Variants in RTN3 observed in about 807,000 individuals in gnomAD.
RTN3 encodes the protein reticulon 3.
RTN3 carries 49 observed loss-of-function variants against 77.8 expected under a neutral mutation model. That is an observed-to-expected ratio of 0.63 (90% CI 0.50 to 0.80). The LOEUF is 0.80. Ranked by LOEUF, RTN3 falls within the 30% of genes least tolerant of loss-of-function variation. The pLI, the probability that RTN3 is intolerant of heterozygous loss-of-function variation, is 0.00. For synonymous variants in RTN3, 464 were observed against 446.9 expected, an observed-to-expected ratio of 1.04 and a Z score of -0.48; for missense variants, 1,236 against 1,211.9, an observed-to-expected ratio of 1.02 and a Z score of -0.29.
intron 1 of RTN3, among the ~76,000 whole-genome samples, chr11:63,685,338 A>G (rs770480092): frequency 6.6e-6 from 1 of 151,510 alleles, no homozygotes; most frequent in East Asian, 2.0e-4. Flanking sequence ...CTACTAAAAA[A>G]TACAAAAATT....
Position 63,720,553 on chromosome 11 carries a change from T to G in RTN3, c.2051T>G (p.Phe684Cys). ...FKAISEKMTD[F>C]KTTPPVEVLH... is the part of the protein sequence containing the mutation. ...GCAATATCAGAGAAGATGACAGACT[T>G]TAAAACAACTCCTCCTGTAGAAGTC... Residue 684 changes from phenylalanine (F) to cysteine (C), a missense_variant, in exon 3 of 9, where the codon TTT (phenylalanine) becomes TGT (cysteine). Phe to Cys is a radical substitution (Grantham distance 205). Coordinates refer to ENST00000377819, the MANE Select transcript of RTN3 (RefSeq NM_001265589.2). 6.2e-7 allele frequency: 1 copy of G among 1,614,086 alleles called. No homozygotes were observed. Among genetic ancestry groups the G allele is most frequent in the East Asian group, 2.2e-5 (1 of 44,882 alleles).
intron 3 of RTN3, among the ~76,000 whole-genome samples, chr11:63,725,996 A>G (rs1279389774): frequency 1.3e-5 from 2 of 152,220 alleles, no homozygotes; most frequent in African/African-American, 4.8e-5. Context: ...AAGGAATACA[A>G]AATAATTCCT....
chr11:63,725,593 C>T (rs1413824591), intron 3 of RTN3, among the ~76,000 whole-genome samples: 2 of 152,176 alleles, frequency 1.3e-5, no homozygotes, highest in South Asian at 2.1e-4. Flanking sequence ...GGACTACAGG[C>T]GCCTGCTACC....
At chr11:63,689,895 T>C (rs1941565636) in intron 1 of RTN3, among the ~76,000 whole-genome samples, 1 of 152,022 alleles carries the variant, frequency 6.6e-6, no homozygotes, top group South Asian at 2.1e-4. Context: ...GTAGGTGGGA[T>C]TGCAGGCTTG....
chr11:63,757,501 C>T (rs574321937), intron 8 of RTN3, among the ~76,000 whole-genome samples: 59 of 152,170 alleles, frequency 3.9e-4, no homozygotes, highest in Non-Finnish European at 7.4e-4. Context: ...GCTGACACTA[C>T]AGGCATGTGC....
At chr11:63,721,109 C>T (rs1373926102) in intron 3 of RTN3, 77 bp downstream of exon 3, 6 of 1,273,950 alleles carry the variant, frequency 4.7e-6, no homozygotes, top group Non-Finnish European at 5.4e-6. Context: ...TTATGTTAGT[C>T]TGATTTATAC....
Position 63,756,787 on chromosome 11 carries a change from C to T in RTN3, c.3053+617C>T, listed in dbSNP as rs529795631. The stretch of plus-strand genomic sequence containing the variant: ...TACAGGCTGGGCACGGTGGCTCACA[C>T]CTGTAATCCCAACACTTTGGGAGGC... On this transcript the variant is annotated intron_variant, in intron 8 of 8. Coordinates refer to ENST00000377819, the MANE Select transcript of RTN3 (RefSeq NM_001265589.2). 5.9e-5 allele frequency among the ~76,000 whole-genome samples: 9 copies of T among 152,244 alleles called. No individual in the cohort carries two copies. The South Asian group carries it at 1.9e-3, about 32-fold the overall frequency.
chr11:63,682,608 CTA>C (rs1941119682), intron 1 of RTN3, among the ~76,000 whole-genome samples: 1 of 146,344 alleles, frequency 6.8e-6, no homozygotes, highest in African/African-American at 2.6e-5. Flanking sequence ...CTGTGGGCTA[CTA>C]TTGATCGAAG....
At position 63,707,251 on chromosome 11, in the gene RTN3, C is replaced by T. The variant is rs116987630; in HGVS notation, c.199+2344C>T. Among the ~76,000 whole-genome samples, 25 of 152,122 alleles carry T rather than the reference C, an allele frequency of 1.6e-4. No individual in the cohort carries two copies. The East Asian group carries it at 3.9e-3, about 23-fold the overall frequency. On this transcript the variant is annotated intron_variant, in intron 2 of 8. Coordinates refer to ENST00000377819, the MANE Select transcript of RTN3 (RefSeq NM_001265589.2). ...ATAGTTGATACTCTAAACGGTGTAA[C>T]GGTGTAACCCATGGCTTACATACCT...
intron 3 of RTN3, among the ~76,000 whole-genome samples, chr11:63,727,283 C>T (rs577014715): frequency 1.3e-5 from 2 of 152,248 alleles, no homozygotes; most frequent in African/African-American, 4.8e-5. Flanking sequence ...AGGATATAAT[C>T]CAAAACTACA....
chr11:63,693,340 G>A (rs751305107), intron 1 of RTN3, among the ~76,000 whole-genome samples: 3 of 152,040 alleles, frequency 2.0e-5, no homozygotes, highest in African/African-American at 2.4e-5. Flanking sequence ...AAAATTAGCT[G>A]GGCATGGTGG....
chr11:63,684,192 AG>A (rs1415712757), intron 1 of RTN3, among the ~76,000 whole-genome samples: 5 of 119,664 alleles, frequency 4.2e-5, no homozygotes, highest in Non-Finnish European at 8.0e-5. Flanking sequence ...TTTGTCGCCC[AG>A]GCTGGAGTGC....
intron 1 of RTN3, among the ~76,000 whole-genome samples, chr11:63,688,228 T>C (rs1046465714): frequency 1.3e-5 from 2 of 150,308 alleles, no homozygotes; most frequent in Non-Finnish European, 3.0e-5. Flanking sequence ...TTTTGCTTTT[T>C]TTTTTTTTTT....
intron 1 of RTN3, among the ~76,000 whole-genome samples, chr11:63,697,768 G>T (rs1048021647): frequency 1.3e-5 from 2 of 152,096 alleles, no homozygotes; most frequent in African/African-American, 4.8e-5. Context: ...GAGCCACCGC[G>T]CCCGGCCCAC....
chr11:63,713,984 C>T lies in RTN3; in HGVS notation c.200-4718C>T, dbSNP rs746547823. On this transcript the variant is annotated intron_variant, in intron 2 of 8. Coordinates refer to ENST00000377819, the MANE Select transcript of RTN3 (RefSeq NM_001265589.2). ...TCCTTTTGCCAGGTACTGACTTGGGCAACAGCAGTGACTACAAGTGCCATA... is the reference window on the plus strand; with the variant it reads ...TCCTTTTGCCAGGTACTGACTTGGGTAACAGCAGTGACTACAAGTGCCATA... The T allele has an allele frequency of 2.7e-5, 14 of 518,298 alleles. No homozygotes were observed. In the Admixed American group the frequency reaches 2.7e-4, roughly 10 times the overall value. The allele number at this position is 518,298 out of a possible 1,614,324, so 32.1% of individuals were successfully genotyped here. A position where few individuals can be genotyped will look rare whatever the true frequency, so the allele number is the denominator to read the frequency against.
intron 2 of RTN3, among the ~76,000 whole-genome samples, chr11:63,705,966 T>C (rs1942475399): frequency 6.6e-6 from 1 of 152,248 alleles, no homozygotes; most frequent in African/African-American, 2.4e-5. Context: ...ATTGAGAACC[T>C]TTATTTTAAA....
intron 1 of RTN3, among the ~76,000 whole-genome samples, chr11:63,692,253 C>T (rs1277394398): frequency 6.6e-6 from 1 of 152,086 alleles, no homozygotes; most frequent in Non-Finnish European, 1.5e-5. Context: ...GAACTCCTGA[C>T]CTCAAGTCGT....
intron 1 of RTN3, among the ~76,000 whole-genome samples, chr11:63,704,620 T>C (rs1486858990): frequency 7.1e-6 from 1 of 140,086 alleles, no homozygotes; most frequent in African/African-American, 2.6e-5. Flanking sequence ...AATGTTTGAC[T>C]AAAAAAAAAA....
In RTN3 at chr11:63,720,096, G is replaced by A; in HGVS notation, c.1594G>A (p.Val532Ile). ...EKPVSIPSAV[V>I]KTGEREIKEI... ...ACCTGTTTCCATTCCAAGTGCTGTT[G>A]TAAAAACAGGTGAAAGAGAAATCAA... The change falls in exon 3 of 9, where the codon GTA becomes ATA. Residue 532 changes from valine (V) to isoleucine (I), a missense_variant. Around this residue, in one of 3 missense-constraint regions of RTN3, gnomAD observed 1,056 missense variants for 990.4 expected, o/e 1.07. Coordinates refer to ENST00000377819, the MANE Select transcript of RTN3 (RefSeq NM_001265589.2). The A allele has an allele frequency of 6.2e-7, 1 of 1,613,400 alleles. No homozygotes were observed. Among genetic ancestry groups the A allele is most frequent in the Non-Finnish European group, 8.5e-7 (1 of 1,179,854 alleles).
Sources: gnomAD v4.1 joint callset for allele counts (sites outside exome capture counted in the v4.1 genomes callset) on GRCh38, gnomAD v4.1.1 for gene constraint, gnomAD v4.1.1 regional missense constraint, MANE v1.5 for transcripts, NCBI Gene and HGNC (gene_info 2026-07-23, HGNC 2026-07-21) for gene names.